Variants in GABRB1 observed in about 807,000 individuals in gnomAD.
The protein encoded by GABRB1 is gamma-aminobutyric acid type A receptor subunit beta1.
Under a neutral mutation model 51.6 loss-of-function variants are expected in GABRB1, and 17 were observed. The ratio of observed to expected loss-of-function variants is 0.33; its 90% CI spans 0.23 to 0.49. The LOEUF (loss-of-function observed/expected upper bound fraction) is 0.49. GABRB1 is among the 20% of genes least tolerant of loss of function. GABRB1 has a pLI of 0.99. For missense variants in GABRB1, 410 were observed against 600.6 expected, an observed-to-expected ratio of 0.68 and a Z score of 3.32; for synonymous variants, 247 against 218.9, an observed-to-expected ratio of 1.13 and a Z score of -1.14.
intron 3 of GABRB1, among the ~76,000 whole-genome samples, chr4:47,091,170 C>G (rs536891024): frequency 2.0e-5 from 3 of 151,672 alleles, no homozygotes; most frequent in African/African-American, 7.3e-5. Flanking sequence ...TGCTAAACAT[C>G]GTACACAGGA....
chr4:47,257,189 A>ACTCT (rs1722246389), intron 4 of GABRB1, among the ~76,000 whole-genome samples: 1 of 151,934 alleles, frequency 6.6e-6, no homozygotes, highest in Non-Finnish European at 1.5e-5. Flanking sequence ...TGTTTATGTC[A>ACTCT]CTCAACAAAG....
intron 4 of GABRB1, among the ~76,000 whole-genome samples, chr4:47,269,935 T>C (rs201944721): frequency 1.5e-4 from 21 of 135,962 alleles, no homozygotes; most frequent in South Asian, 2.6e-4. Context: ...CAACTCTCCC[T>C]ACACACACAC....
At chr4:47,014,774 T>A (rs1490320783) in intron 1 of GABRB1, among the ~76,000 whole-genome samples, 2 of 152,138 alleles carry the variant, frequency 1.3e-5, no homozygotes, top group Non-Finnish European at 2.9e-5. Flanking sequence ...TTGAGAAAAA[T>A]TGCCATATAA....
At chr4:47,100,215 A>C (rs1264429027) in intron 3 of GABRB1, among the ~76,000 whole-genome samples, 1 of 152,012 alleles carries the variant, frequency 6.6e-6, no homozygotes, top group African/African-American at 2.4e-5. Flanking sequence ...ATGTTTAATC[A>C]CATTTTGAGG....
intron 3 of GABRB1, among the ~76,000 whole-genome samples, chr4:47,074,760 T>C (rs1727479846): frequency 6.6e-6 from 1 of 152,118 alleles, no homozygotes; most frequent in African/African-American, 2.4e-5. Context: ...CATAAAAAGA[T>C]GGAAAGGAGC....
At chr4:47,303,183 CTG>C (rs1724326323) in intron 4 of GABRB1, among the ~76,000 whole-genome samples, 1 of 151,856 alleles carries the variant, frequency 6.6e-6, no homozygotes, top group African/African-American at 2.4e-5. Context: ...CACAGAACCT[CTG>C]TGCATTTTGT....
chr4:47,081,939 A>G (rs1193654882), intron 3 of GABRB1, among the ~76,000 whole-genome samples: 1 of 152,090 alleles, frequency 6.6e-6, no homozygotes, highest in African/African-American at 2.4e-5. Flanking sequence ...CTTTCATAAA[A>G]CAGAGATGGA....
chr4:47,403,966 G>T (rs1382332975), intron 7 of GABRB1, among the ~76,000 whole-genome samples: 1 of 152,124 alleles, frequency 6.6e-6, no homozygotes, highest in Non-Finnish European at 1.5e-5. Context: ...AGTGTCTCAT[G>T]GAATATATTT....
intron 4 of GABRB1, among the ~76,000 whole-genome samples, chr4:47,176,003 T>A (rs1018470116): frequency 6.6e-6 from 1 of 152,196 alleles, no homozygotes; most frequent in Non-Finnish European, 1.5e-5. Context: ...GCATAACTTG[T>A]ACACAACTAA....
chr4:47,299,413 T>C (rs919525286), intron 4 of GABRB1, among the ~76,000 whole-genome samples: 2 of 151,790 alleles, frequency 1.3e-5, no homozygotes, highest in Non-Finnish European at 2.9e-5. Flanking sequence ...AATAACCCCA[T>C]CAAAAAGTGG....
chr4:47,011,033 T>G (rs1724566927), intron 1 of GABRB1, among the ~76,000 whole-genome samples: 1 of 151,952 alleles, frequency 6.6e-6, no homozygotes, highest in South Asian at 2.1e-4. Context: ...TGTTAAAACA[T>G]TAGAGAGTTA....
chr4:47,002,496 T>C (rs1724259491), intron 1 of GABRB1, among the ~76,000 whole-genome samples: 1 of 152,142 alleles, frequency 6.6e-6, no homozygotes, highest in South Asian at 2.1e-4. Flanking sequence ...CACTAATCAT[T>C]CTAGACACAA....
intron 1 of GABRB1, among the ~76,000 whole-genome samples, chr4:47,003,323 T>C (rs1724286626): frequency 6.6e-6 from 1 of 152,232 alleles, no homozygotes; most frequent in Non-Finnish European, 1.5e-5. Context: ...TGTAATTCTG[T>C]GGACCGTTTG....
At position 47,331,675 on chromosome 4, in the gene GABRB1, T is replaced by C. The variant is rs888085417; in HGVS notation, c.544+11466T>C. On this transcript the variant is annotated intron_variant, in intron 5 of 8. Coordinates refer to ENST00000295454, the MANE Select transcript of GABRB1 (RefSeq NM_000812.4). ...AAAGACACATTTTATACAGGAACTT[T>C]GATCTTCTAATACTGGACACCCTTG... Among the ~76,000 whole-genome samples, 6 of 152,276 alleles carry C rather than the reference T, an allele frequency of 3.9e-5. No homozygotes were observed. The East Asian group carries it at 9.6e-4, about 24-fold the overall frequency.
intron 5 of GABRB1, among the ~76,000 whole-genome samples, chr4:47,335,688 A>T (rs902062657): frequency 6.6e-6 from 1 of 152,190 alleles, no homozygotes; most frequent in African/African-American, 2.4e-5. Flanking sequence ...AATTTCATGC[A>T]TAACAAACAT....
At chr4:47,412,074 G>A (rs763114129) in intron 8 of GABRB1, among the ~76,000 whole-genome samples, 4 of 152,082 alleles carry the variant, frequency 2.6e-5, no homozygotes, top group Non-Finnish European at 5.9e-5. Flanking sequence ...TTATTATTTG[G>A]TATCGCTGTT....
intron 4 of GABRB1, among the ~76,000 whole-genome samples, chr4:47,298,241 G>T (rs1724092215): frequency 6.6e-6 from 1 of 152,178 alleles, no homozygotes; most frequent in South Asian, 2.1e-4. Context: ...TTCTGGCCAG[G>T]GCAATTAGGC....
intron 1 of GABRB1, among the ~76,000 whole-genome samples, chr4:47,011,580 G>A (rs1724581822): frequency 6.6e-6 from 1 of 152,112 alleles, no homozygotes; most frequent in African/African-American, 2.4e-5. Flanking sequence ...TCATTTGTGG[G>A]CATGCACATC....
chr4:47,223,134 T>C (rs1030672814), intron 4 of GABRB1, among the ~76,000 whole-genome samples: 2 of 152,150 alleles, frequency 1.3e-5, no homozygotes, highest in East Asian at 1.9e-4. Flanking sequence ...TTATCTTGAA[T>C]GTTTTTTCTT....
Sources: gnomAD v4.1 joint callset for allele counts (sites outside exome capture counted in the v4.1 genomes callset) on GRCh38, gnomAD v4.1.1 for gene constraint, MANE v1.5 for transcripts, NCBI Gene and HGNC (gene_info 2026-07-23, HGNC 2026-07-21) for gene names.